ZNF385D: variants seen among roughly 807,000 people sequenced by gnomAD.
The protein encoded by ZNF385D is zinc finger protein 659.
Under a neutral mutation model 35.8 loss-of-function variants are expected in ZNF385D, and 15 were observed. That is an observed-to-expected ratio of 0.42 (90% CI 0.28 to 0.64). ZNF385D has a LOEUF of 0.64. Ranked by LOEUF, ZNF385D falls within the 30% of genes least tolerant of loss-of-function variation. The pLI, the probability that ZNF385D is intolerant of heterozygous loss-of-function variation, is 0.23. For missense variants in ZNF385D, 474 were observed against 494.6 expected (o/e 0.96, Z 0.39); for synonymous variants, 212 against 186.8 (o/e 1.13, Z -1.10).
At chr3:21,923,107 A>T (rs1700555428) in intron 3 of ZNF385D, among the ~76,000 whole-genome samples, 1 of 152,252 alleles carries the variant, frequency 6.6e-6, no homozygotes. Context: ...ATATGTACAC[A>T]TGTGCCATGT....
chr3:21,739,759 G>A (rs897520212), intron 1 of ZNF385D, among the ~76,000 whole-genome samples: 1 of 152,062 alleles, frequency 6.6e-6, no homozygotes, highest in African/African-American at 2.4e-5. Flanking sequence ...TGATCTTTGG[G>A]GTATTTCTTC....
At chr3:22,272,757 G>T (rs1456493531) in intron 2 of ZNF385D, among the ~76,000 whole-genome samples, 1 of 151,738 alleles carries the variant, frequency 6.6e-6, no homozygotes, top group Non-Finnish European at 1.5e-5. Flanking sequence ...CCCTTATTTG[G>T]CTTTGTCACC....
intron 2 of ZNF385D, among the ~76,000 whole-genome samples, chr3:22,235,425 A>C (rs1164740869): frequency 6.6e-6 from 1 of 152,144 alleles, no homozygotes; most frequent in Admixed American, 6.6e-5. Flanking sequence ...TAACAGGACG[A>C]AACACTCAGA....
intron 1 of ZNF385D, among the ~76,000 whole-genome samples, chr3:21,679,627 A>G (rs562335893): frequency 3.9e-5 from 6 of 152,232 alleles, no homozygotes; most frequent in African/African-American, 1.4e-4. Flanking sequence ...CCTGTTTTCA[A>G]TGTGCTCATT....
intron 3 of ZNF385D, chr3:21,777,732 G>T (rs1403418794): frequency 6.6e-6 from 1 of 151,780 alleles, no homozygotes; most frequent in Non-Finnish European, 1.5e-5. Context: ...TTCAACTACT[G>T]CCTTATTTTG....
chr3:21,876,421 C>A (rs2125855696), intron 3 of ZNF385D, among the ~76,000 whole-genome samples: 1 of 151,396 alleles, frequency 6.6e-6, no homozygotes, highest in East Asian at 1.9e-4. Context: ...TATCTGTTAA[C>A]ACAACTTAAT....
At chr3:22,236,386 G>T (rs959215244) in intron 2 of ZNF385D, among the ~76,000 whole-genome samples, 1 of 152,016 alleles carries the variant, frequency 6.6e-6, no homozygotes, top group Admixed American at 6.6e-5. Flanking sequence ...GGCTAGAGAA[G>T]AGAGGAGTAA....
chr3:21,646,762 A>T lies in ZNF385D; in HGVS notation c.165+18124T>A, dbSNP rs1313767414. Among the ~76,000 whole-genome samples, 1 of 152,202 alleles carries T rather than the reference A, an allele frequency of 6.6e-6. No homozygotes were observed. Among genetic ancestry groups the T allele is most frequent in the Non-Finnish European group, 1.5e-5 (1 of 68,038 alleles). On this transcript the variant is annotated intron_variant, in intron 2 of 7. Transcript: ENST00000281523. The surrounding 1 kb of genome is among the most constrained non-coding windows in gnomAD (Gnocchi z 4.3). The stretch of plus-strand genomic sequence containing the variant: ...CCTTCCTTATATCATCTGGGAATGT[A>T]TTAAACCTGCATTCTGGGCCTATGG...
intron 1 of ZNF385D, among the ~76,000 whole-genome samples, chr3:21,702,968 A>ATTC (rs1204930317): frequency 6.6e-6 from 1 of 152,076 alleles, no homozygotes; most frequent in African/African-American, 2.4e-5. Context: ...ACTTTTCTAT[A>ATTC]TTCTTCTGAG....
chr3:21,591,922 A>G (rs1440457056), intron 2 of ZNF385D, among the ~76,000 whole-genome samples: 2 of 152,126 alleles, frequency 1.3e-5, no homozygotes, highest in African/African-American at 2.4e-5. Context: ...CTTTTCCATC[A>G]TAGATCAACC....
intron 2 of ZNF385D, among the ~76,000 whole-genome samples, chr3:21,644,904 C>T (rs558754311): frequency 2.0e-5 from 3 of 152,188 alleles, no homozygotes; most frequent in East Asian, 1.9e-4. Flanking sequence ...ATGAAATGCC[C>T]AGCACAGTGC....
intron 2 of ZNF385D, among the ~76,000 whole-genome samples, chr3:22,319,698 A>G (rs1385989148): frequency 6.6e-6 from 1 of 152,152 alleles, no homozygotes; most frequent in East Asian, 1.9e-4. Flanking sequence ...AAGTAATCTG[A>G]TGATATACTA....
intron 3 of ZNF385D, among the ~76,000 whole-genome samples, chr3:21,937,727 G>T (rs1701328185): frequency 6.6e-6 from 1 of 152,084 alleles, no homozygotes; most frequent in Non-Finnish European, 1.5e-5. Flanking sequence ...AGAAAAAAAT[G>T]TGTTTTCCTT....
At chr3:21,796,490 T>G (rs969632045) in intron 3 of ZNF385D, among the ~76,000 whole-genome samples, 2 of 152,190 alleles carry the variant, frequency 1.3e-5, no homozygotes, top group African/African-American at 4.8e-5. Flanking sequence ...ATTTGAGAAT[T>G]ATTTAATGTA....
intron 3 of ZNF385D, among the ~76,000 whole-genome samples, chr3:21,550,280 T>C (rs2062520882): frequency 6.6e-6 from 1 of 152,186 alleles, no homozygotes; most frequent in African/African-American, 2.4e-5. Context: ...AGTATTAAGA[T>C]ATATTAAGAC....
intron 3 of ZNF385D, among the ~76,000 whole-genome samples, chr3:21,868,370 G>C (rs1266909701): frequency 6.6e-6 from 1 of 152,080 alleles, no homozygotes; most frequent in East Asian, 1.9e-4. Context: ...TTTTATGAAT[G>C]AGAAAATAAT....
chr3:21,904,465 T>C (rs1699574116), intron 3 of ZNF385D, among the ~76,000 whole-genome samples: 1 of 152,140 alleles, frequency 6.6e-6, no homozygotes, highest in Non-Finnish European at 1.5e-5. Flanking sequence ...TGCAGGCTAA[T>C]TTCCGAAATA....
At chr3:21,615,004 A>C (rs147073777) in intron 2 of ZNF385D, among the ~76,000 whole-genome samples, 121 of 152,134 alleles carry the variant, frequency 8.0e-4, no homozygotes, top group Middle Eastern at 3.4e-3. Flanking sequence ...TGCCAACAAA[A>C]CCTCCCCCAG....
chr3:21,978,804 G>A (rs773711517), intron 3 of ZNF385D, among the ~76,000 whole-genome samples: 29 of 151,906 alleles, frequency 1.9e-4, no homozygotes, highest in African/African-American at 3.6e-4. Context: ...GCATGTTTAG[G>A]TGCTCAGCAT....
Sources: gnomAD v4.1 joint callset for allele counts (sites outside exome capture counted in the v4.1 genomes callset) on GRCh38, gnomAD v4.1.1 for gene constraint, Gnocchi (gnomAD v3.1) non-coding constraint, MANE v1.5 for transcripts, NCBI Gene and HGNC (gene_info 2026-07-23, HGNC 2026-07-21) for gene names.